Variants in ZEB2 observed in about 807,000 individuals in gnomAD.
ZEB2 encodes zinc finger E-box-binding homeobox 2.
A neutral mutation model predicts 99.9 loss-of-function variants in ZEB2; 6 were observed. The ratio of observed to expected loss-of-function variants is 0.06; its 90% CI spans 0.03 to 0.12. ZEB2 has a LOEUF of 0.12. ZEB2 is among the 10% of genes least tolerant of loss of function. The pLI, the probability that ZEB2 is intolerant of heterozygous loss-of-function variation, is 1.00. For synonymous variants in ZEB2, 517 were observed against 542.5 expected (o/e 0.95, Z 0.65); for missense variants, 969 against 1,502.8 (o/e 0.64, Z 5.87).
At chr2:144,395,508 T>G (rs183477082) in intron 9 of ZEB2, among the ~76,000 whole-genome samples, 5 of 151,840 alleles carry the variant, frequency 3.3e-5, no homozygotes, top group Admixed American at 2.0e-4. Context: ...CCTACACTTT[T>G]TCCCCCCCGA....
intron 2 of ZEB2, among the ~76,000 whole-genome samples, chr2:144,439,440 A>C (rs1268902059): frequency 6.6e-6 from 1 of 152,226 alleles, no homozygotes; most frequent in Non-Finnish European, 1.5e-5. Context: ...TTAAAATTAG[A>C]AAATTCAATT....
intron 2 of ZEB2, chr2:144,462,688 T>C (rs554378969): frequency 6.6e-6 from 1 of 152,324 alleles, no homozygotes; most frequent in East Asian, 1.9e-4. Flanking sequence ...GAAGGTGTGT[T>C]TGAAGTCTTA....
At chr2:144,507,752 T>C (rs1704970553) in intron 2 of ZEB2, among the ~76,000 whole-genome samples, 1 of 152,194 alleles carries the variant, frequency 6.6e-6, no homozygotes, top group Non-Finnish European at 1.5e-5. Flanking sequence ...CCTTCTCCTT[T>C]CTCTTTTCAG....
intron 2 of ZEB2, among the ~76,000 whole-genome samples, chr2:144,486,841 G>A (rs903115794): frequency 1.3e-5 from 2 of 152,086 alleles, no homozygotes; most frequent in African/African-American, 4.8e-5. Flanking sequence ...AAAAACCTAA[G>A]AATTTTTCTT....
intron 2 of ZEB2, among the ~76,000 whole-genome samples, chr2:144,440,417 GTTAAATAC>G (rs1367065294): frequency 6.7e-6 from 1 of 148,750 alleles, no homozygotes; most frequent in Admixed American, 6.6e-5. Context: ...TACATTATTT[GTTAAATAC>G]TTAAATCCAT....
intron 1 of ZEB2, 89 bp downstream of exon 1, chr2:144,519,850 T>G (rs1010579692): frequency 1.6e-5 from 6 of 372,948 alleles, no homozygotes; most frequent in Non-Finnish European, 3.1e-5. Flanking sequence ...ACATCCCCAC[T>G]CAAAATGAGA....
intron 2 of ZEB2, among the ~76,000 whole-genome samples, chr2:144,472,748 G>C (rs1468709638): frequency 4.6e-5 from 7 of 152,114 alleles, no homozygotes; most frequent in Non-Finnish European, 1.5e-5. Flanking sequence ...CCCTTGAGTG[G>C]TGTGTACCAG....
At chr2:144,491,482 T>G (rs748669502) in intron 2 of ZEB2, among the ~76,000 whole-genome samples, 2 of 152,236 alleles carry the variant, frequency 1.3e-5, no homozygotes, top group Non-Finnish European at 2.9e-5. Context: ...TTTAGGAATT[T>G]CATCATGTAC....
intron 2 of ZEB2, chr2:144,462,973 T>A (rs1052805253): frequency 6.6e-6 from 1 of 152,150 alleles, no homozygotes; most frequent in African/African-American, 2.4e-5. Flanking sequence ...ATATGGGGAT[T>A]TGGTAAATTC....
At chr2:144,422,848 T>C (rs1393345873) in intron 4 of ZEB2, among the ~76,000 whole-genome samples, 2 of 152,070 alleles carry the variant, frequency 1.3e-5, no homozygotes, top group African/African-American at 4.8e-5. Context: ...ACTAAATAAT[T>C]ATGGCTCCTA....
At chr2:144,517,941 C>A (rs1189214869) in intron 1 of ZEB2, 2 of 403,596 alleles carry the variant, frequency 5.0e-6, no homozygotes, top group Non-Finnish European at 9.1e-6. Flanking sequence ...GCCCACTCGC[C>A]CAGCGCCCCC....
At chr2:144,513,618 G>C (rs759453999) in intron 2 of ZEB2, 3 of 1,531,644 alleles carry the variant, frequency 2.0e-6, no homozygotes, top group South Asian at 2.4e-5. Flanking sequence ...GTGGCGGGAT[G>C]GGGAGGCAGA....
At chr2:144,424,226 T>A in intron 4 of ZEB2, 1 of 366,158 alleles carries the variant, frequency 2.7e-6, no homozygotes, top group South Asian at 2.1e-5. Context: ...TCATTAAAAA[T>A]AAGTAAACTT....
chr2:144,484,798 G>C (rs968720927), intron 2 of ZEB2, among the ~76,000 whole-genome samples: 4 of 151,944 alleles, frequency 2.6e-5, no homozygotes, highest in Admixed American at 1.3e-4. Flanking sequence ...TCAGTACACG[G>C]TGGAACATTT....
chr2:144,468,035 G>A (rs915092575), intron 2 of ZEB2, among the ~76,000 whole-genome samples: 8 of 152,084 alleles, frequency 5.3e-5, no homozygotes, highest in African/African-American at 7.2e-5. Context: ...TGATTGTATC[G>A]GTAATAGAGA....
chr2:144,458,127 TATACACACAC>T (rs1337102905), intron 2 of ZEB2, among the ~76,000 whole-genome samples: 2 of 151,546 alleles, frequency 1.3e-5, no homozygotes, highest in African/African-American at 4.8e-5. Context: ...TTATCTATCT[TATACACACAC>T]ATACACACAC....
intron 1 of ZEB2, 175 bp from the exon 2 acceptor site, chr2:144,517,594 G>A (rs985577303): frequency 5.0e-5 from 34 of 683,466 alleles, no homozygotes; most frequent in Non-Finnish European, 9.0e-5. Context: ...TGGCCCCGAG[G>A]CGCTTTGTGT....
At chr2:144,510,551 G>A (rs774088971) in intron 2 of ZEB2, among the ~76,000 whole-genome samples, 53 of 152,250 alleles carry the variant, frequency 3.5e-4, no homozygotes, top group Admixed American at 1.7e-3. Flanking sequence ...GTACAGACAT[G>A]CCATCTTGTA....
intron 2 of ZEB2, among the ~76,000 whole-genome samples, chr2:144,497,499 T>C (rs577896429): frequency 7.2e-5 from 11 of 152,146 alleles, no homozygotes; most frequent in Admixed American, 7.2e-4. Flanking sequence ...TATTGTACAA[T>C]GAGAAAATTT....
Sources: allele counts gnomAD v4.1 joint callset (sites outside exome capture counted in the v4.1 genomes callset), GRCh38; gene constraint gnomAD v4.1.1; transcripts MANE v1.5; gene names NCBI Gene and HGNC (gene_info 2026-07-23, HGNC 2026-07-21).